Variants in MAGI1 observed in about 807,000 individuals in gnomAD.
MAGI1 encodes membrane-associated guanylate kinase, WW and PDZ domain-containing protein 1.
Under a neutral mutation model 139.9 loss-of-function variants are expected in MAGI1, and 58 were observed. That is an observed-to-expected ratio of 0.41 (90% confidence interval 0.34 to 0.52). MAGI1 has a LOEUF of 0.52. Ranked by LOEUF, MAGI1 falls within the 20% of genes least tolerant of loss-of-function variation. MAGI1 has a pLI of 0.12. For missense variants in MAGI1, 1,874 were observed against 1,901.6 expected (o/e 0.99, Z 0.27); for synonymous variants, 812 against 737.9 (o/e 1.10, Z -1.63).
At chr3:65,898,442 A>G (rs1308836070) in intron 1 of MAGI1, among the ~76,000 whole-genome samples, 1 of 152,250 alleles carries the variant, frequency 6.6e-6, no homozygotes, top group Non-Finnish European at 1.5e-5. Flanking sequence ...AGGCTTGTTC[A>G]TTTGTATGTG....
chr3:65,696,762 A>C (rs1257019947), intron 1 of MAGI1, among the ~76,000 whole-genome samples: 1 of 152,148 alleles, frequency 6.6e-6, no homozygotes, highest in Non-Finnish European at 1.5e-5. Context: ...AAGAAACAAG[A>C]ATAGGGGAAA....
intron 2 of MAGI1, among the ~76,000 whole-genome samples, chr3:65,585,785 C>T (rs2106688094): frequency 6.6e-6 from 1 of 152,304 alleles, no homozygotes; most frequent in South Asian, 2.1e-4. Flanking sequence ...CCTTTAGCAA[C>T]TTTATTCTTA....
chr3:65,677,914 A>T (rs943656068), intron 1 of MAGI1, among the ~76,000 whole-genome samples: 4 of 152,214 alleles, frequency 2.6e-5, no homozygotes, highest in African/African-American at 9.6e-5. Context: ...AAAGACTTGG[A>T]ACCAACCCAA....
At chr3:65,841,662 A>T (rs2058811912) in intron 1 of MAGI1, among the ~76,000 whole-genome samples, 1 of 151,972 alleles carries the variant, frequency 6.6e-6, no homozygotes, top group African/African-American at 2.4e-5. Flanking sequence ...TCCTGACCTC[A>T]TGATCCACCT....
chr3:66,013,031 T>C (rs1463222755), intron 1 of MAGI1, among the ~76,000 whole-genome samples: 1 of 152,200 alleles, frequency 6.6e-6, no homozygotes, highest in Non-Finnish European at 1.5e-5. Context: ...TGTGTCTAAA[T>C]TTATGTTTGA....
intron 1 of MAGI1, among the ~76,000 whole-genome samples, chr3:65,706,924 C>T (rs945104525): frequency 1.3e-5 from 2 of 152,150 alleles, no homozygotes; most frequent in African/African-American, 2.4e-5. Flanking sequence ...AAATCCTAGT[C>T]CTATAATTCC....
chr3:65,597,615 C>G, intron 2 of MAGI1: 1 of 448,258 alleles, frequency 2.2e-6, no homozygotes. Context: ...CGCCCCTCCT[C>G]CCTGGTCCAC....
At chr3:65,876,090 G>C (rs73835406) in intron 1 of MAGI1, among the ~76,000 whole-genome samples, 1 of 151,552 alleles carries the variant, frequency 6.6e-6, no homozygotes, top group African/African-American at 2.4e-5. Context: ...GGAGAGTTTA[G>C]GGAAGAATTA....
intron 1 of MAGI1, among the ~76,000 whole-genome samples, chr3:66,027,198 G>A (rs2068321906): frequency 6.6e-6 from 1 of 151,688 alleles, no homozygotes; most frequent in Non-Finnish European, 1.5e-5. Flanking sequence ...AACCCCAGAG[G>A]TGGAGCTTGC....
chr3:65,880,964 G>A (rs2060305065), intron 1 of MAGI1, among the ~76,000 whole-genome samples: 1 of 130,410 alleles, frequency 7.7e-6, no homozygotes, highest in Non-Finnish European at 1.7e-5. Context: ...TGTCACCCAG[G>A]CTGGAGTGCA....
intron 3 of MAGI1, among the ~76,000 whole-genome samples, chr3:65,492,934 C>T (rs901871513): frequency 1.2e-4 from 18 of 151,974 alleles, no homozygotes; most frequent in Middle Eastern, 3.4e-3. Flanking sequence ...AAAAATTAGC[C>T]GGGCATGGTG....
At chr3:65,557,458 T>C (rs970777367) in intron 2 of MAGI1, among the ~76,000 whole-genome samples, 2 of 152,188 alleles carry the variant, frequency 1.3e-5, no homozygotes, top group Non-Finnish European at 2.9e-5. Flanking sequence ...ATGAGAGTTC[T>C]TGAGCCAAGA....
chr3:65,420,793 T>C (rs558233489), intron 12 of MAGI1, among the ~76,000 whole-genome samples: 2 of 152,350 alleles, frequency 1.3e-5, no homozygotes, highest in African/African-American at 4.8e-5. Context: ...CGAACACATT[T>C]GTAATAAATA....
chr3:65,439,733 C>T (rs1948118928), intron 9 of MAGI1, 146 bp downstream of exon 9: 2 of 1,490,380 alleles, frequency 1.3e-6, no homozygotes, highest in East Asian at 4.6e-5. Context: ...AGGGGGTTCT[C>T]TTCCTCCCCA....
At chr3:65,719,310 CAT>C (rs1215074386) in intron 1 of MAGI1, among the ~76,000 whole-genome samples, 4 of 149,936 alleles carry the variant, frequency 2.7e-5, no homozygotes, top group Non-Finnish European at 3.0e-5. Flanking sequence ...TGTGTATATA[CAT>C]ATATATATAT....
intron 1 of MAGI1, among the ~76,000 whole-genome samples, chr3:65,770,287 T>C (rs1054982943): frequency 1.3e-5 from 2 of 152,150 alleles, no homozygotes; most frequent in African/African-American, 4.8e-5. Context: ...GAATTCCCAC[T>C]TTTTTCATCA....
At chr3:65,714,567 A>C (rs2031964734) in intron 1 of MAGI1, among the ~76,000 whole-genome samples, 1 of 152,014 alleles carries the variant, frequency 6.6e-6, no homozygotes. Flanking sequence ...TTTATCTCTG[A>C]CCCAAGAGTC....
intron 12 of MAGI1, among the ~76,000 whole-genome samples, chr3:65,422,803 G>C (rs1294948070): frequency 2.0e-5 from 3 of 152,272 alleles, no homozygotes; most frequent in South Asian, 4.1e-4. Context: ...AAAGATGTGA[G>C]TGAGGAGGTC....
rs571085923 is a variant in MAGI1, at chr3:65,815,748, C to G, written c.314-193660G>C. 2.6e-5 allele frequency among the ~76,000 whole-genome samples: 4 copies of G among 152,110 alleles called. No homozygotes were observed. In the South Asian group the frequency reaches 8.3e-4, roughly 32 times the overall value. The stretch of plus-strand genomic sequence containing the variant: ...AGGGCTTATGTGCCAGAGACTGTCA[C>G]CAGTGATTCATATACCTTATCTTAA... On this transcript the variant is annotated intron_variant, in intron 1 of 22. Coordinates refer to ENST00000402939, the MANE Select transcript of MAGI1 (RefSeq NM_001033057.2).
Sources: gnomAD v4.1 joint callset for allele counts (sites outside exome capture counted in the v4.1 genomes callset) on GRCh38, gnomAD v4.1.1 for gene constraint, MANE v1.5 for transcripts, NCBI Gene and HGNC (gene_info 2026-07-23, HGNC 2026-07-21) for gene names.